The following PPARGC1A variants were observed in gnomAD, a reference collection of about 807,000 sequenced individuals.
PPARGC1A encodes the protein peroxisome proliferator-activated receptor gamma coactivator 1-alpha.
In PPARGC1A, 25 loss-of-function variants were observed where a neutral mutation model predicts 88.7. The observed-to-expected ratio is 0.28, with a 90% CI of 0.21 to 0.39. The LOEUF (loss-of-function observed/expected upper bound fraction) is 0.39. PPARGC1A is among the 10% of genes least tolerant of loss of function. The pLI is 1.00. For missense variants in PPARGC1A, 880 were observed against 968.7 expected (o/e 0.91, Z 1.22); for synonymous variants, 363 against 355.6 (o/e 1.02, Z -0.24).
intron 7 of PPARGC1A, among the ~76,000 whole-genome samples, chr4:23,816,997 A>G (rs1236681986): frequency 6.6e-6 from 1 of 152,152 alleles, no homozygotes; most frequent in Non-Finnish European, 1.5e-5. Context: ...AAACCGGGTA[A>G]ACATTTTTAA....
the PPARGC1A span, among the ~76,000 whole-genome samples, chr4:24,238,297 G>A: frequency 6.6e-6 from 1 of 152,160 alleles, no homozygotes. Flanking sequence ...TGTTAGTGAT[G>A]TTATTTTACA....
chr4:23,879,129 T>C (rs1715394729), intron 2 of PPARGC1A, among the ~76,000 whole-genome samples: 2 of 152,198 alleles, frequency 1.3e-5, no homozygotes, highest in Admixed American at 6.5e-5. Context: ...TCCTCCCACA[T>C]AACAAAAAAG....
At chr4:24,110,471 C>T in the PPARGC1A span, among the ~76,000 whole-genome samples, 1 of 152,158 alleles carries the variant, frequency 6.6e-6, no homozygotes, top group South Asian at 2.1e-4. Context: ...ACTCTACCAA[C>T]TCCTGTCCCA....
the PPARGC1A span, among the ~76,000 whole-genome samples, chr4:24,155,277 G>A: frequency 6.6e-6 from 1 of 151,928 alleles, no homozygotes; most frequent in Non-Finnish European, 1.5e-5. Flanking sequence ...AAATCAATCT[G>A]TGAAGTATTT....
upstream of PPARGC1A, among the ~76,000 whole-genome samples, chr4:23,892,828 C>T (rs1360078540): frequency 6.6e-6 from 1 of 152,058 alleles, no homozygotes; most frequent in East Asian, 1.9e-4. Flanking sequence ...CACAAGAGAG[C>T]TTACAATTTT....
At chr4:23,835,466 TTGTGTGTGTG>T (rs145407468) in intron 2 of PPARGC1A, among the ~76,000 whole-genome samples, 2,012 of 135,362 alleles carry the variant, frequency 0.015, 25 homozygotes, top group African/African-American at 0.03. Context: ...GCATGGCGGC[TTGTGTGTGTG>T]TGTGTGTGTG....
chr4:24,468,639 T>C, the PPARGC1A span, among the ~76,000 whole-genome samples: 2 of 152,202 alleles, frequency 1.3e-5, no homozygotes, highest in Non-Finnish European at 2.9e-5. Flanking sequence ...ACAGAACAAG[T>C]AAAAACCTGG....
At chr4:24,169,774 T>C in the PPARGC1A span, among the ~76,000 whole-genome samples, 2 of 151,222 alleles carry the variant, frequency 1.3e-5, no homozygotes, top group African/African-American at 4.9e-5. Flanking sequence ...GAGGAGGAGG[T>C]TGCAGTGAGC....
chr4:23,962,999 T>C, the PPARGC1A span, among the ~76,000 whole-genome samples: 1 of 152,210 alleles, frequency 6.6e-6, no homozygotes, highest in Non-Finnish European at 1.5e-5. Context: ...TCGCCAGGAA[T>C]AAGCTGTAAG....
At chr4:24,152,012 T>C in the PPARGC1A span, among the ~76,000 whole-genome samples, 1 of 152,242 alleles carries the variant, frequency 6.6e-6, no homozygotes, top group Non-Finnish European at 1.5e-5. Flanking sequence ...GGCAGAGAGA[T>C]GCTTTGTGGA....
the PPARGC1A span, among the ~76,000 whole-genome samples, chr4:24,223,099 A>T: frequency 6.6e-6 from 1 of 152,306 alleles, no homozygotes; most frequent in African/African-American, 2.4e-5. Flanking sequence ...AAAAAATTAT[A>T]AAATTTACCC....
the PPARGC1A span, among the ~76,000 whole-genome samples, chr4:24,066,020 G>A: frequency 6.6e-6 from 1 of 152,050 alleles, no homozygotes. Context: ...TAATTCAGGC[G>A]GGCTGCAGCC....
At chr4:24,318,885 G>A in the PPARGC1A span, among the ~76,000 whole-genome samples, 1 of 152,162 alleles carries the variant, frequency 6.6e-6, no homozygotes, top group South Asian at 2.1e-4. Context: ...AGCCAGTAAA[G>A]TTTGAAGAAT....
At chr4:24,012,600 T>C in the PPARGC1A span, among the ~76,000 whole-genome samples, 1 of 152,098 alleles carries the variant, frequency 6.6e-6, no homozygotes, top group Non-Finnish European at 1.5e-5. Context: ...TATCTTGAAC[T>C]CAGTCGTGGC....
At chr4:23,932,966 G>A in the PPARGC1A span, among the ~76,000 whole-genome samples, 1 of 152,196 alleles carries the variant, frequency 6.6e-6, no homozygotes, top group Non-Finnish European at 1.5e-5. Flanking sequence ...GAACACTTGT[G>A]TTGTCCAGTT....
At chr4:24,161,841 G>A in the PPARGC1A span, among the ~76,000 whole-genome samples, 6 of 152,154 alleles carry the variant, frequency 3.9e-5, no homozygotes, top group Non-Finnish European at 7.4e-5. Flanking sequence ...CACTTGTGAA[G>A]CTTCCATTTT....
the PPARGC1A span, among the ~76,000 whole-genome samples, chr4:24,092,685 GCTT>G: frequency 1.3e-5 from 2 of 152,124 alleles, no homozygotes; most frequent in African/African-American, 2.4e-5. Context: ...TGGATGTACT[GCTT>G]CTTAATTCCA....
chr4:24,231,522 T>C, the PPARGC1A span, among the ~76,000 whole-genome samples: 1 of 152,120 alleles, frequency 6.6e-6, no homozygotes, highest in Non-Finnish European at 1.5e-5. Context: ...CCAGAAATCT[T>C]AGGAGATGGA....
the PPARGC1A span, among the ~76,000 whole-genome samples, chr4:24,462,771 T>C: frequency 6.6e-6 from 1 of 150,740 alleles, no homozygotes; most frequent in Non-Finnish European, 1.5e-5. Flanking sequence ...TCTGCTCAGC[T>C]GTCACATCAG....
Sources: allele counts gnomAD v4.1 joint callset (sites outside exome capture counted in the v4.1 genomes callset), GRCh38; gene constraint gnomAD v4.1.1; transcripts MANE v1.5; gene names NCBI Gene and HGNC (gene_info 2026-07-23, HGNC 2026-07-21).